The following MIR2052HG variants were observed in gnomAD, a reference collection of about 807,000 sequenced individuals.
MIR2052HG encodes the protein MIR2052 host gene.
chr8:74,662,742 T>G (rs891412764), intron 2 of MIR2052HG, among the ~76,000 whole-genome samples: 2 of 152,054 alleles, frequency 1.3e-5, no homozygotes, highest in Non-Finnish European at 2.9e-5. Context: ...ATGAGCTTAT[T>G]ATAGCGGTTT....
rs373130048 is a variant in MIR2052HG, at chr8:74,610,657, G to C, written n.129-2196G>C. ...TGATATTGGCATGAGGATAAAATAT[G>C]ATGAGTTCAGAAATATACTCACACA... On this transcript the variant is annotated intron_variant and non_coding_transcript_variant, in intron 1 of 6. Coordinates refer to ENST00000523442, the Ensembl canonical transcript of MIR2052HG. Among the ~76,000 whole-genome samples, 7 of 152,002 alleles carry C rather than the reference G, an allele frequency of 4.6e-5. No homozygotes were observed. In the East Asian group the frequency reaches 7.7e-4, roughly 17 times the overall value.
At chr8:74,619,150 T>C (rs2588299) in intron 2 of MIR2052HG, among the ~76,000 whole-genome samples, 110,726 of 152,034 alleles carry the variant, frequency 0.73, 41,088 homozygotes, top group African/African-American at 0.89. Context: ...ATATATCCTA[T>C]GTACCTGGAT....
At position 74,703,120 on chromosome 8, in the gene MIR2052HG, G is replaced by A. The variant is rs904612328; in HGVS notation, n.295-486G>A. On this transcript the variant is annotated intron_variant and non_coding_transcript_variant, in intron 3 of 6. Coordinates refer to ENST00000523442, the Ensembl canonical transcript of MIR2052HG. ...TTCAACAATCAGAAAAAAAGTGGAC[G>A]TGGCTACTATGATAGGTAATCAGAA... Among the ~76,000 whole-genome samples, 9 of 151,980 alleles carry A rather than the reference G, an allele frequency of 5.9e-5. No homozygotes were observed. In the East Asian group the frequency reaches 7.7e-4, roughly 13 times the overall value.
chr8:74,696,109 A>G (rs914806376), intron 2 of MIR2052HG, among the ~76,000 whole-genome samples: 1 of 152,168 alleles, frequency 6.6e-6, no homozygotes, highest in Non-Finnish European at 1.5e-5. Context: ...GAAAATCAAA[A>G]TTATATCAAA....
chr8:74,648,553 G>T (rs976742581), intron 2 of MIR2052HG, among the ~76,000 whole-genome samples: 25 of 152,078 alleles, frequency 1.6e-4, no homozygotes, highest in Non-Finnish European at 1.3e-4. Flanking sequence ...GCAAAAACTT[G>T]CTGGTTTTGC....
In MIR2052HG at chr8:74,619,306, G is replaced by A. The variant is rs532357560; in HGVS notation, n.216+6366G>A. On this transcript the variant is annotated intron_variant and non_coding_transcript_variant, in intron 2 of 6. Coordinates refer to ENST00000523442, the Ensembl canonical transcript of MIR2052HG. ...TATGGAACCACAAAAGACCTCAATA[G>A]CCAAAGCAATCTACAGCAAAAAGAA... is the stretch of plus-strand genomic sequence containing the variant. Among the ~76,000 whole-genome samples, 4 of 152,104 alleles carry A rather than the reference G, an allele frequency of 2.6e-5. No individual in the cohort carries two copies. The East Asian group carries it at 7.7e-4, about 29-fold the overall frequency.
chr8:74,666,876 C>T lies in MIR2052HG; in HGVS notation n.217-35503C>T, dbSNP rs72667584. 8.7e-3 allele frequency among the ~76,000 whole-genome samples: 1,317 copies of T among 152,242 alleles called. 13 individuals carry two copies. Among genetic ancestry groups the T allele is most frequent in the Middle Eastern group, 0.048 (14 of 294 alleles). ...GGCTCTGCAGACCAGTTCTGCTAGT[C>T]CTACTTGGGATTTCTCATGAGGCTG... On this transcript the variant is annotated intron_variant and non_coding_transcript_variant, in intron 2 of 6. Transcript: ENST00000523442.
At chr8:74,697,684 G>A (rs994814775) in intron 2 of MIR2052HG, among the ~76,000 whole-genome samples, 11 of 152,162 alleles carry the variant, frequency 7.2e-5, no homozygotes, top group East Asian at 1.9e-4. Flanking sequence ...CACCAACAGC[G>A]ACCAAGCTGA....
intron 2 of MIR2052HG, among the ~76,000 whole-genome samples, chr8:74,673,704 C>A (rs547579680): frequency 1.9e-4 from 29 of 151,762 alleles, no homozygotes; most frequent in Middle Eastern, 3.4e-3. Flanking sequence ...TTTATTCTCC[C>A]TTTACAACTT....
intron 2 of MIR2052HG, among the ~76,000 whole-genome samples, chr8:74,642,848 C>A (rs1047455678): frequency 1.3e-5 from 2 of 152,156 alleles, no homozygotes; most frequent in Non-Finnish European, 2.9e-5. Context: ...GGTTTCATTG[C>A]GTGTCCAGCA....
chr8:74,625,399 T>C (rs1808421564), intron 2 of MIR2052HG: 1 of 152,150 alleles, frequency 6.6e-6, no homozygotes. Context: ...AAAATGATAG[T>C]ATTTGTAGAG....
intron 4 of MIR2052HG, among the ~76,000 whole-genome samples, chr8:74,751,556 T>G (rs1004503756): frequency 1.3e-5 from 2 of 152,220 alleles, no homozygotes; most frequent in Non-Finnish European, 2.9e-5. Flanking sequence ...GATCTAACTC[T>G]GTCTTTCCTG....
At chr8:74,724,332 C>A (rs1809612495) in intron 4 of MIR2052HG, among the ~76,000 whole-genome samples, 1 of 152,110 alleles carries the variant, frequency 6.6e-6, no homozygotes. Context: ...ACAGCACAGA[C>A]CATCCAGAAG....
At chr8:74,605,149 C>T (rs1441221494) in intron 1 of MIR2052HG, among the ~76,000 whole-genome samples, 1 of 152,172 alleles carries the variant, frequency 6.6e-6, no homozygotes, top group African/African-American at 2.4e-5. Flanking sequence ...TTCCTTAGGA[C>T]CCCGCCTTCC....
chr8:74,719,261 T>C (rs1282286245), intron 4 of MIR2052HG, among the ~76,000 whole-genome samples: 1 of 152,170 alleles, frequency 6.6e-6, no homozygotes, highest in Non-Finnish European at 1.5e-5. Flanking sequence ...ACAAGTCATC[T>C]GCATCCCCTC....
intron 4 of MIR2052HG, among the ~76,000 whole-genome samples, chr8:74,749,707 G>C (rs1465328365): frequency 6.6e-6 from 1 of 151,954 alleles, no homozygotes; most frequent in East Asian, 1.9e-4. Context: ...AAATTAGCTG[G>C]GTATGGTGTC....
chr8:74,626,273 G>T (rs1217495116), intron 2 of MIR2052HG, among the ~76,000 whole-genome samples: 1 of 152,152 alleles, frequency 6.6e-6, no homozygotes, highest in Non-Finnish European at 1.5e-5. Context: ...TTCAAATCAG[G>T]CTGCTGGTCA....
At chr8:74,629,123 G>C (rs1179749837) in intron 2 of MIR2052HG, among the ~76,000 whole-genome samples, 5 of 152,110 alleles carry the variant, frequency 3.3e-5, no homozygotes, top group African/African-American at 4.8e-5. Flanking sequence ...TTACTGCCTA[G>C]CATACTCTTT....
At chr8:74,741,346 T>G (rs1809826203) in intron 4 of MIR2052HG, among the ~76,000 whole-genome samples, 3 of 152,216 alleles carry the variant, frequency 2.0e-5, no homozygotes, top group African/African-American at 7.2e-5. Context: ...GCCTGCATGT[T>G]TAGCATTTTT....
Sources: allele counts gnomAD v4.1 joint callset (sites outside exome capture counted in the v4.1 genomes callset), GRCh38; gene constraint gnomAD v4.1.1; transcripts MANE v1.5; gene names NCBI Gene and HGNC (gene_info 2026-07-23, HGNC 2026-07-21).